NLGN1: variants seen among roughly 807,000 people sequenced by gnomAD.
The protein encoded by NLGN1 is neuroligin-1.
NLGN1 carries 12 observed loss-of-function variants against 65.5 expected under a neutral mutation model. The ratio of observed to expected loss-of-function variants is 0.18; its 90% confidence interval spans 0.12 to 0.30. The LOEUF (loss-of-function observed/expected upper bound fraction) is 0.30. Ranked by LOEUF, NLGN1 falls within the 10% of genes least tolerant of loss-of-function variation. The pLI is 1.00. For synonymous variants in NLGN1, 350 were observed against 359.5 expected (o/e 0.97, Z 0.30); for missense variants, 750 against 1,007.1 (o/e 0.74, Z 3.46).
rs550011180 is a variant in NLGN1 at position 173,720,161 on chromosome 3, C to T, written c.494-87519C>T. 7.2e-5 allele frequency among the ~76,000 whole-genome samples: 11 copies of T among 152,140 alleles called. No individual in the cohort carries two copies. In the East Asian group the frequency reaches 1.9e-3, roughly 27 times the overall value. ...AGAATTTTTTAAAAAATGCTGATTT[C>T]TGAGTCACGATCCAGGCCTGCTAAA... On this transcript the variant is annotated intron_variant, in intron 3 of 6. Transcript: ENST00000457714.
chr3:174,136,680 G>A (rs1168977379), intron 4 of NLGN1: 2 of 152,066 alleles, frequency 1.3e-5, no homozygotes, highest in African/African-American at 2.4e-5. Context: ...TTGAAAATAT[G>A]TCTGCCCAGG....
At chr3:173,398,226 A>G (rs1264029384), upstream of NLGN1, among the ~76,000 whole-genome samples, 1 of 152,154 alleles carries the variant, frequency 6.6e-6, no homozygotes, top group African/African-American at 2.4e-5. Context: ...TGCTCTCCCC[A>G]GGCCCTCCGG....
At chr3:174,022,792 C>A (rs567567421) in intron 4 of NLGN1, among the ~76,000 whole-genome samples, 1 of 152,128 alleles carries the variant, frequency 6.6e-6, no homozygotes, top group East Asian at 1.9e-4. Context: ...TTTGAATCTG[C>A]AGTTACTGAC....
rs1040640335 is a variant in NLGN1 at position 173,970,797 on chromosome 3, G to C, written c.646+162965G>C. Among the ~76,000 whole-genome samples the C allele has an allele frequency of 2.0e-5, 3 of 152,136 alleles. No individual in the cohort carries two copies. In the South Asian group the frequency reaches 6.2e-4, roughly 32 times the overall value. On this transcript the variant is annotated intron_variant, in intron 4 of 6. Coordinates refer to ENST00000457714, the Ensembl canonical transcript of NLGN1. Reference sequence around the variant, plus strand: ...TGGTACATCGTTACTGTGCAGTAAAGAGTAGCTGGTGCTGCTGATTCTGGT... The same window carrying C: ...TGGTACATCGTTACTGTGCAGTAAACAGTAGCTGGTGCTGCTGATTCTGGT...
At chr3:173,840,627 T>C (rs1724598740) in intron 4 of NLGN1, among the ~76,000 whole-genome samples, 1 of 152,166 alleles carries the variant, frequency 6.6e-6, no homozygotes, top group African/African-American at 2.4e-5. Flanking sequence ...ACAACATATT[T>C]TTATCTTTGA....
At chr3:173,605,936 C>T (rs10513715) in intron 3 of NLGN1, among the ~76,000 whole-genome samples, 16,194 of 152,046 alleles carry the variant, frequency 0.11, 886 homozygotes, top group Middle Eastern at 0.24. Context: ...TAACTTTGAT[C>T]TCTGAACTCT....
intron 3 of NLGN1, among the ~76,000 whole-genome samples, chr3:173,635,731 A>G (rs1470168887): frequency 1.3e-5 from 2 of 152,134 alleles, no homozygotes; most frequent in Admixed American, 6.6e-5. Flanking sequence ...AATTAGAGGC[A>G]TATTTTATAT....
At chr3:173,869,081 T>C (rs1730716489) in intron 4 of NLGN1, among the ~76,000 whole-genome samples, 1 of 152,202 alleles carries the variant, frequency 6.6e-6, no homozygotes, top group Non-Finnish European at 1.5e-5. Context: ...TCCATACTTT[T>C]AAGGAGCATA....
At chr3:174,211,229 G>A (rs1052464094) in intron 4 of NLGN1, among the ~76,000 whole-genome samples, 1 of 152,212 alleles carries the variant, frequency 6.6e-6, no homozygotes, top group Non-Finnish European at 1.5e-5. Context: ...ACCCCAGCGG[G>A]TTGCCAATGC....
At chr3:173,542,675 C>T (rs371874330) in intron 2 of NLGN1, among the ~76,000 whole-genome samples, 8 of 151,870 alleles carry the variant, frequency 5.3e-5, no homozygotes, top group East Asian at 3.9e-4. Context: ...AAGTGGTGTG[C>T]GGGGTATTTT....
At chr3:173,815,929 A>G (rs2150502890) in intron 4 of NLGN1, among the ~76,000 whole-genome samples, 1 of 151,536 alleles carries the variant, frequency 6.6e-6, no homozygotes, top group African/African-American at 2.4e-5. Context: ...CTAAGTTATA[A>G]TATTATTATG....
chr3:173,871,004 A>G (rs993707911), intron 4 of NLGN1, among the ~76,000 whole-genome samples: 10 of 152,190 alleles, frequency 6.6e-5, no homozygotes, highest in Non-Finnish European at 1.2e-4. Context: ...AGCCATAATT[A>G]AGAGCTTGAA....
rs2150231038 is a variant in NLGN1, at chr3:173,765,426, A to G, written c.494-42254A>G. Among the ~76,000 whole-genome samples the G allele has an allele frequency of 2.6e-5, 4 of 152,248 alleles. No individual in the cohort carries two copies. In the South Asian group the frequency reaches 8.3e-4, roughly 32 times the overall value. ...GGAGAAATGGTAAAAGGATATGCAA[A>G]ATAAAAAACCAAGAGGAAATCTGCC... On this transcript the variant is annotated intron_variant, in intron 3 of 6. Transcript: ENST00000457714.
In NLGN1 at chr3:173,896,469, T is replaced by A. The variant is rs1038422240; in HGVS notation, c.646+88637T>A. Among the ~76,000 whole-genome samples, 9 of 152,280 alleles carry A rather than the reference T, an allele frequency of 5.9e-5. No homozygotes were observed. The South Asian group carries it at 1.9e-3, about 32-fold the overall frequency. On this transcript the variant is annotated intron_variant, in intron 4 of 6. Coordinates refer to ENST00000457714, the Ensembl canonical transcript of NLGN1. ...GTCTGTGAAAAGGCTAGGAATAGAC[T>A]TACATTTCTCCTGTAGCAGTTTTAG...
chr3:174,155,433 G>C (rs992643067), intron 4 of NLGN1, among the ~76,000 whole-genome samples: 1 of 151,900 alleles, frequency 6.6e-6, no homozygotes, highest in African/African-American at 2.4e-5. Flanking sequence ...GAAGATTGCA[G>C]AGATTAGCTA....
intron 4 of NLGN1, among the ~76,000 whole-genome samples, chr3:173,829,008 C>T (rs1236909346): frequency 1.3e-5 from 2 of 152,012 alleles, no homozygotes; most frequent in Non-Finnish European, 2.9e-5. Flanking sequence ...TAGCAGTAGT[C>T]CCTTGGCTTT....
intron 4 of NLGN1, among the ~76,000 whole-genome samples, chr3:174,266,686 A>G (rs1036174718): frequency 2.0e-5 from 3 of 152,202 alleles, no homozygotes; most frequent in African/African-American, 4.8e-5. Context: ...GTGTATAAGC[A>G]TTCCTTGTGA....
At chr3:174,185,633 T>A (rs1577262594) in intron 4 of NLGN1, among the ~76,000 whole-genome samples, 1 of 151,506 alleles carries the variant, frequency 6.6e-6, no homozygotes, top group East Asian at 1.9e-4. Context: ...TATGAATGAA[T>A]CTTAGTATAT....
intron 4 of NLGN1, among the ~76,000 whole-genome samples, chr3:174,069,868 T>C (rs1739436313): frequency 6.6e-6 from 1 of 152,234 alleles, no homozygotes; most frequent in African/African-American, 2.4e-5. Flanking sequence ...TATTTAGCTG[T>C]AAACCTGACT....
Sources: gnomAD v4.1 joint callset for allele counts (sites outside exome capture counted in the v4.1 genomes callset) on GRCh38, gnomAD v4.1.1 for gene constraint, MANE v1.5 for transcripts, NCBI Gene and HGNC (gene_info 2026-07-23, HGNC 2026-07-21) for gene names.